Variants in ME3 observed in about 807,000 individuals in gnomAD.
ME3 encodes malic enzyme 3.
ME3 carries 48 observed loss-of-function variants against 68.9 expected under a neutral mutation model. That is an observed-to-expected ratio of 0.70 (90% confidence interval 0.55 to 0.89). The LOEUF is 0.89. Among genes scored for constraint, ME3 ranks in the 40% least tolerant of loss-of-function variants. The pLI is 0.00. For synonymous variants in ME3, 320 were observed against 318.8 expected (o/e 1.00, Z -0.04); for missense variants, 675 against 797.4 (o/e 0.85, Z 1.85).
At chr11:86,583,089 A>T (rs987442418) in intron 2 of ME3, among the ~76,000 whole-genome samples, 8 of 152,082 alleles carry the variant, frequency 5.3e-5, no homozygotes, top group African/African-American at 1.9e-4. Flanking sequence ...ACAGATAAGG[A>T]TCTTAGAAAG....
At chr11:86,581,457 GA>G (rs987399463) in intron 2 of ME3, among the ~76,000 whole-genome samples, 1 of 151,996 alleles carries the variant, frequency 6.6e-6, no homozygotes, top group Non-Finnish European at 1.5e-5. Context: ...TCTCCCCTAG[GA>G]AAAAAATAAC....
chr11:86,532,002 C>T (rs539721811), intron 4 of ME3, among the ~76,000 whole-genome samples: 3 of 148,860 alleles, frequency 2.0e-5, no homozygotes, highest in African/African-American at 7.5e-5. Flanking sequence ...CAAAAAAAAA[C>T]CAGAAACTGA....
chr11:86,459,027 C>G (rs1218618189), intron 8 of ME3, among the ~76,000 whole-genome samples: 1 of 152,252 alleles, frequency 6.6e-6, no homozygotes, highest in African/African-American at 2.4e-5. Flanking sequence ...CGTCCAGTGT[C>G]ACTCCCAGAT....
intron 7 of ME3, among the ~76,000 whole-genome samples, chr11:86,475,406 T>C (rs1951004198): frequency 6.6e-6 from 1 of 152,208 alleles, no homozygotes; most frequent in Non-Finnish European, 1.5e-5. Flanking sequence ...GGCACCATGC[T>C]TCCTGTAAAG....
intron 7 of ME3, among the ~76,000 whole-genome samples, chr11:86,473,797 G>A (rs1031482406): frequency 2.0e-5 from 3 of 152,318 alleles, no homozygotes; most frequent in Admixed American, 6.5e-5. Flanking sequence ...ACTGGATACC[G>A]TGGATTGGAG....
chr11:86,464,268 G>A, intron 8 of ME3: 2 of 333,540 alleles, frequency 6.0e-6, no homozygotes, highest in Middle Eastern at 4.0e-4. Flanking sequence ...GCATCATCAA[G>A]GTTTCTCTCG....
At chr11:86,643,439 C>CA (rs1182925729) in intron 2 of ME3, among the ~76,000 whole-genome samples, 3 of 152,128 alleles carry the variant, frequency 2.0e-5, no homozygotes, top group Admixed American at 2.0e-4. Flanking sequence ...ATCTTTCCCC[C>CA]ATCTTCTCTT....
Position 86,482,920 on chromosome 11 carries a change from C to T in ME3, c.809+4417G>A, listed in dbSNP as rs1358538474. ...CACTCCAGCTGAGTCAGTTCAGCTTCCAAGAATCAAGAGCAAATAAAATGT... is the reference window on the plus strand; with the variant it reads ...CACTCCAGCTGAGTCAGTTCAGCTTTCAAGAATCAAGAGCAAATAAAATGT... On this transcript the variant is annotated intron_variant, in intron 7 of 14. Transcript: ENST00000543262. Among the ~76,000 whole-genome samples, 3 of 152,090 alleles carry T rather than the reference C, an allele frequency of 2.0e-5. No homozygotes were observed. In the South Asian group the frequency reaches 6.2e-4, roughly 32 times the overall value.
At chr11:86,541,541 C>A (rs2139348401) in intron 4 of ME3, among the ~76,000 whole-genome samples, 1 of 152,340 alleles carries the variant, frequency 6.6e-6, no homozygotes, top group South Asian at 2.1e-4. Flanking sequence ...GAAGTTCAGA[C>A]TGGGTGGAGA....
intron 6 of ME3, 57 bp downstream of exon 6, chr11:86,497,906 C>G: frequency 1.3e-6 from 2 of 1,527,400 alleles, no homozygotes; most frequent in South Asian, 2.6e-5. Context: ...ATGCTCCTCA[C>G]CCTGTCCCAG....
chr11:86,477,665 A>G (rs1270514352), intron 7 of ME3, among the ~76,000 whole-genome samples: 1 of 152,190 alleles, frequency 6.6e-6, no homozygotes, highest in African/African-American at 2.4e-5. Flanking sequence ...ATAGCCAGCT[A>G]GTGTCATTGA....
chr11:86,505,598 C>CT (rs1246414213), intron 5 of ME3, among the ~76,000 whole-genome samples: 1 of 152,194 alleles, frequency 6.6e-6, no homozygotes. Flanking sequence ...CCTGACTGTA[C>CT]TGCGGTGTGG....
intron 2 of ME3, among the ~76,000 whole-genome samples, chr11:86,647,019 C>G (rs1295960344): frequency 1.3e-5 from 2 of 152,108 alleles, no homozygotes; most frequent in Non-Finnish European, 2.9e-5. Context: ...TTTGTCACTA[C>G]CAGGCCTGCC....
chr11:86,506,342 G>A (rs1003579719), intron 5 of ME3, among the ~76,000 whole-genome samples: 1 of 152,176 alleles, frequency 6.6e-6, no homozygotes, highest in Non-Finnish European at 1.5e-5. Flanking sequence ...GAAGTCAATA[G>A]ATATTTAGCT....
chr11:86,603,658 C>T (rs1169160469), intron 2 of ME3, among the ~76,000 whole-genome samples: 52 of 151,930 alleles, frequency 3.4e-4, no homozygotes, highest in South Asian at 1.3e-3. Context: ...ATGTTTATTG[C>T]GGCACTATTC....
At chr11:86,491,357 C>A (rs186007776) in intron 6 of ME3, among the ~76,000 whole-genome samples, 3 of 152,310 alleles carry the variant, frequency 2.0e-5, no homozygotes, top group Admixed American at 1.3e-4. Flanking sequence ...AGCCAAGGGG[C>A]AGCTCCTCAC....
At chr11:86,440,858 G>A (rs1948956585), downstream of ME3, among the ~76,000 whole-genome samples, 1 of 152,096 alleles carries the variant, frequency 6.6e-6, no homozygotes, top group Non-Finnish European at 1.5e-5. Context: ...ATTTCCATAG[G>A]AAGTATCCTC....
At chr11:86,668,399 A>G (rs941848027) in intron 2 of ME3, among the ~76,000 whole-genome samples, 2 of 152,236 alleles carry the variant, frequency 1.3e-5, no homozygotes, top group Non-Finnish European at 2.9e-5. Flanking sequence ...TCATTCTAAT[A>G]CATTTCTTTA....
chr11:86,534,081 G>GTATATATATATATATATATA lies in ME3; in HGVS notation c.467+22452_467+22471dup, dbSNP rs57566563. On this transcript the variant is annotated intron_variant, in intron 4 of 14. Transcript: ENST00000543262. ...GTAAAAATGAGGTGTGTGTGTGTGTGTATATATATATATATATATATATAT... is the reference window on the plus strand; with the variant it reads ...GTAAAAATGAGGTGTGTGTGTGTGTGTATATATATATATATATATATATATATATATATATATATATATAT... 1.1e-4 allele frequency among the ~76,000 whole-genome samples: 14 copies of GTATATATATATATATATATA among 127,500 alleles called. 1 individual carries two copies. The highest frequency in any genetic ancestry group is 4.5e-4 in the African/African-American group (14 of 31,174). The allele number at this position is 127,500 out of a possible 152,430, so 83.6% of individuals were successfully genotyped here. A position where few individuals can be genotyped will look rare whatever the true frequency, so the allele number is the denominator to read the frequency against.
Sources: allele counts gnomAD v4.1 joint callset (sites outside exome capture counted in the v4.1 genomes callset), GRCh38; gene constraint gnomAD v4.1.1; transcripts MANE v1.5; gene names NCBI Gene and HGNC (gene_info 2026-07-23, HGNC 2026-07-21).